The following TTLL4 variants were observed in gnomAD, a reference collection of about 807,000 sequenced individuals.
The protein encoded by TTLL4 is tubulin tyrosine ligase like 4, also known as tubulin monoglutamylase TTLL4.
Under a neutral mutation model 122.7 loss-of-function variants are expected in TTLL4, and 85 were observed. The ratio of observed to expected loss-of-function variants is 0.69; its 90% CI spans 0.58 to 0.83. The LOEUF (loss-of-function observed/expected upper bound fraction) is 0.83, where lower values mean the gene tolerates loss of function less well. Ranked by LOEUF, TTLL4 falls within the 40% of genes least tolerant of loss-of-function variation. The pLI, the probability that TTLL4 is intolerant of heterozygous loss-of-function variation, is 0.00. For missense variants in TTLL4, 1,363 were observed against 1,488.6 expected (o/e 0.92, Z 1.39); for synonymous variants, 553 against 563.0 (o/e 0.98, Z 0.25).
chr2:218,750,271 A>T, intron 15 of TTLL4, 125 bp downstream of exon 15: 13 of 1,331,726 alleles, frequency 9.8e-6, no homozygotes, highest in Non-Finnish European at 1.2e-5. Flanking sequence ...TCTTGCCCCT[A>T]CAGTCCACTA....
intron 1 of TTLL4, among the ~76,000 whole-genome samples, chr2:218,717,497 C>T (rs1023589533): frequency 1.3e-5 from 2 of 152,136 alleles, no homozygotes; most frequent in Non-Finnish European, 2.9e-5. Context: ...TATAGGTTTA[C>T]CTCCCTCAGC....
rs769545567 is a variant in TTLL4, at chr2:218,752,979, G to A, written c.3187+6G>A. 3 of 1,614,168 alleles carry A rather than the reference G, an allele frequency of 1.9e-6. No homozygotes were observed. Among genetic ancestry groups the A allele is most frequent in the South Asian group, 2.2e-5 (2 of 91,080 alleles). On this transcript the variant is annotated splice_donor_region_variant and intron_variant, in intron 17 of 19. Coordinates refer to ENST00000392102, the MANE Select transcript of TTLL4 (RefSeq NM_014640.5). ...CCATGGCAACAAGCTTAAAGGTGAT[G>A]TGCCCTCCCTGCCCTCAGAAAGCCA...
chr2:218,732,836 T>C (rs148834903), intron 2 of TTLL4, among the ~76,000 whole-genome samples: 156 of 152,292 alleles, frequency 1.0e-3, no homozygotes, highest in African/African-American at 3.5e-3. Flanking sequence ...ATCAGGAATC[T>C]CTATAAGGAG....
chr2:218,728,944 CGGG>C (rs57886887), intron 2 of TTLL4, among the ~76,000 whole-genome samples: 7 of 108,644 alleles, frequency 6.4e-5, no homozygotes, highest in African/African-American at 1.8e-4. Context: ...TTTTTTTTGG[CGGG>C]GGGGGGCATA....
At position 218,747,931 on chromosome 2, in the gene TTLL4, G is replaced by C. The variant is rs1942893397; in HGVS notation, c.2379-174G>C. The C allele has an allele frequency of 1.8e-6, 2 of 1,135,794 alleles. No individual in the cohort carries two copies. Among genetic ancestry groups the C allele is most frequent in the Non-Finnish European group, 2.5e-6 (2 of 800,882 alleles). 70.4% of individuals were successfully genotyped at this position (1,135,794 alleles called of 1,614,324 possible). A position where few individuals can be genotyped will look rare whatever the true frequency, so the allele number is the denominator to read the frequency against. ...GACTGAGGTGGGATAAAGGAGATGA[G>C]TTTAGCTGTGGTTTTTCAGAACTTT... On this transcript the variant is annotated intron_variant, in intron 11 of 19. Transcript: ENST00000392102. This position sits in a 1 kb window ranked among gnomAD's most constrained non-coding sequence, Gnocchi z 4.7.
intron 2 of TTLL4, among the ~76,000 whole-genome samples, chr2:218,734,884 C>T (rs1309167715): frequency 6.6e-6 from 1 of 152,210 alleles, no homozygotes; most frequent in African/African-American, 2.4e-5. Flanking sequence ...TGCTTCTCTA[C>T]CACAAACACA....
chr2:218,732,838 T>C (rs1942418342), intron 2 of TTLL4, among the ~76,000 whole-genome samples: 1 of 152,200 alleles, frequency 6.6e-6, no homozygotes, highest in African/African-American at 2.4e-5. Context: ...CAGGAATCTC[T>C]ATAAGGAGAA....
Position 218,746,173 on chromosome 2 carries a change from G to C in TTLL4, c.1916G>C (p.Gly639Ala), listed in dbSNP as rs747147696. The change falls in exon 8 of 20, where the codon GGC (glycine) becomes GCC (alanine). Residue 639 changes from glycine (G) to alanine (A), a missense_variant. Gly to Ala is a moderately conservative substitution (Grantham distance 60). Around this residue, in one of 3 missense-constraint regions of TTLL4, gnomAD observed 760 missense variants for 808.4 expected, o/e 0.94. Transcript: ENST00000392102. ...KISKRNDDWL[G>A]CWGHHMKSPS... ...CCCATAGGAAACGATGACTGGCTGG[G>C]CTGCTGGGGTCACCACATGAAGTCT... 1.9e-6 allele frequency: 3 copies of C among 1,614,176 alleles called. No homozygotes were observed. In the South Asian group the frequency reaches 3.3e-5, roughly 18 times the overall value.
intron 1 of TTLL4, among the ~76,000 whole-genome samples, chr2:218,725,270 A>T (rs1942156013): frequency 6.6e-6 from 1 of 152,048 alleles, no homozygotes; most frequent in African/African-American, 2.4e-5. Flanking sequence ...CCTAGCGTGG[A>T]ATGCAGTGGT....
chr2:218,726,710 A>T (rs1158433592), intron 1 of TTLL4, among the ~76,000 whole-genome samples: 2 of 152,086 alleles, frequency 1.3e-5, no homozygotes, highest in East Asian at 3.9e-4. Flanking sequence ...CAAGTGATCC[A>T]CCTGCCTCAG....
At chr2:218,724,325 A>G (rs1942124697) in intron 1 of TTLL4, among the ~76,000 whole-genome samples, 2 of 152,230 alleles carry the variant, frequency 1.3e-5, no homozygotes, top group African/African-American at 2.4e-5. Flanking sequence ...AATCAACTTC[A>G]ACTTTTCTTT....
At chr2:218,741,050 G>T (rs1258049818) in intron 5 of TTLL4, among the ~76,000 whole-genome samples, 5 of 152,074 alleles carry the variant, frequency 3.3e-5, no homozygotes, top group Non-Finnish European at 7.4e-5. Context: ...TCCAGCCTGG[G>T]TGATGGAGCA....
chr2:218,728,566 A>G (rs1261239006), intron 2 of TTLL4, among the ~76,000 whole-genome samples: 1 of 152,218 alleles, frequency 6.6e-6, no homozygotes, highest in Non-Finnish European at 1.5e-5. Flanking sequence ...GCCATGGACC[A>G]GTACCAATCT....
chr2:218,752,729 C>G (rs1943054794), intron 16 of TTLL4, 34 bp from the exon 17 acceptor site: 1 of 1,611,696 alleles, frequency 6.2e-7, no homozygotes, highest in Admixed American at 1.7e-5. Context: ...TACACTCTCT[C>G]ACACCCTTTT....
rs143487231 is a variant in TTLL4 at position 218,751,760 on chromosome 2, A to T, written c.2930A>T (p.Gln977Leu). Residue 977 changes from glutamine (Q) to leucine (L), a missense_variant, in exon 16 of 20, where the codon CAG becomes CTG. By Grantham distance (113) the Gln-to-Leu change is moderately radical. This residue lies in a region of TTLL4 where 596 missense variants were observed against 655.8 expected (regional missense o/e 0.91). Transcript: ENST00000392102. ...ATGGCTCCAGAGCATGTCACTGCAC[A>T]GAAGATGAAGAAAGCCTATTATCTG... ...CRMAPEHVTA[Q>L]KMKKAYYLTQ... is the part of the protein sequence containing the mutation. The T allele has an allele frequency of 1.2e-6, 2 of 1,613,592 alleles. No homozygotes were observed. The highest frequency in any genetic ancestry group is 2.7e-5 in the African/African-American group (2 of 74,904).
chr2:218,716,645 C>T (rs745336472), intron 1 of TTLL4, among the ~76,000 whole-genome samples: 6 of 152,082 alleles, frequency 3.9e-5, no homozygotes, highest in East Asian at 3.9e-4. Context: ...AAAAATTAGC[C>T]GGGCGTGGTA....
At chr2:218,749,038 G>T in intron 13 of TTLL4, 104 bp downstream of exon 13, 5 of 1,382,460 alleles carry the variant, frequency 3.6e-6, no homozygotes, top group Non-Finnish European at 5.0e-6. Flanking sequence ...CTGTGGTTTG[G>T]TTTTAAGGAC....
rs765353112 is a variant in TTLL4 at position 218,715,852 on chromosome 2, G to C, written c.-178+4815G>C. On this transcript the variant is annotated intron_variant, in intron 1 of 19. Coordinates refer to ENST00000392102, the MANE Select transcript of TTLL4 (RefSeq NM_014640.5). ...TCACCATGTTAGCCAGGATGGTTTCGATCTCCTGACCTCGTGATCCACCTG... is the reference window on the plus strand; with the variant it reads ...TCACCATGTTAGCCAGGATGGTTTCCATCTCCTGACCTCGTGATCCACCTG... Among the ~76,000 whole-genome samples the C allele has an allele frequency of 1.6e-4, 25 of 152,040 alleles. 1 individual carries two copies. The highest frequency in any genetic ancestry group is 1.3e-4 in the Admixed American group (2 of 15,260).
Position 218,726,040 on chromosome 2 carries a change from T to C in TTLL4, c.-177-1229T>C, listed in dbSNP as rs1354273796. On this transcript the variant is annotated intron_variant, in intron 1 of 19. Transcript: ENST00000392102. The stretch of plus-strand genomic sequence containing the variant: ...TGCCTTCAAATGTTTTCTTTTTGCA[T>C]GTTAATTTTTTTTTCCCCTTCAAAT... 2.6e-5 allele frequency among the ~76,000 whole-genome samples: 4 copies of C among 152,240 alleles called. No individual in the cohort carries two copies. In the South Asian group the frequency reaches 6.2e-4, roughly 24 times the overall value.
Sources: allele counts gnomAD v4.1 joint callset (sites outside exome capture counted in the v4.1 genomes callset), GRCh38; gene constraint gnomAD v4.1.1; regional missense constraint gnomAD v4.1.1; non-coding constraint Gnocchi (gnomAD v3.1); transcripts MANE v1.5; gene names NCBI Gene and HGNC (gene_info 2026-07-23, HGNC 2026-07-21).